Variants in ARFIP1 observed in about 807,000 individuals in gnomAD.
The protein encoded by ARFIP1 is arfaptin-1.
Under a neutral mutation model 42.5 loss-of-function variants are expected in ARFIP1, and 24 were observed. The ratio of observed to expected loss-of-function variants is 0.57; its 90% CI spans 0.41 to 0.80. ARFIP1 has a LOEUF of 0.80. Ranked by LOEUF, ARFIP1 falls within the 30% of genes least tolerant of loss-of-function variation. The pLI is 0.00. For missense variants in ARFIP1, 354 were observed against 434.0 expected (o/e 0.82, Z 1.64); for synonymous variants, 141 against 153.7 (o/e 0.92, Z 0.61).
intron 1 of ARFIP1, among the ~76,000 whole-genome samples, chr4:152,828,505 T>G (rs1578883432): frequency 6.6e-6 from 1 of 152,258 alleles, no homozygotes; most frequent in Non-Finnish European, 1.5e-5. Flanking sequence ...CCACTTTACA[T>G]TGTCTTTGAT....
At chr4:152,859,650 G>C (rs1366366449) in intron 2 of ARFIP1, among the ~76,000 whole-genome samples, 1 of 151,946 alleles carries the variant, frequency 6.6e-6, no homozygotes, top group Admixed American at 6.6e-5. Flanking sequence ...TTCCAGCTGG[G>C]CTTTTCTTGC....
At chr4:152,832,551 G>A (rs1388053801) in intron 2 of ARFIP1, among the ~76,000 whole-genome samples, 4 of 151,986 alleles carry the variant, frequency 2.6e-5, no homozygotes, top group African/African-American at 9.7e-5. Context: ...CTCTATTAAT[G>A]GCATCTTTTG....
At chr4:152,821,174 A>G (rs1578868408) in intron 1 of ARFIP1, among the ~76,000 whole-genome samples, 2 of 152,366 alleles carry the variant, frequency 1.3e-5, no homozygotes, top group Admixed American at 6.5e-5. Context: ...TAAAGAACTC[A>G]AAAGGTTGAT....
At chr4:152,806,152 T>G (rs1422014422) in intron 1 of ARFIP1, among the ~76,000 whole-genome samples, 4 of 152,242 alleles carry the variant, frequency 2.6e-5, no homozygotes, top group Admixed American at 2.0e-4. Context: ...ATATTTGCCT[T>G]TCTTTAGATA....
chr4:152,866,138 T>C (rs1384599331), intron 3 of ARFIP1, among the ~76,000 whole-genome samples: 1 of 152,150 alleles, frequency 6.6e-6, no homozygotes, highest in African/African-American at 2.4e-5. Flanking sequence ...TTAATCCATT[T>C]AACCCTGAGT....
chr4:152,893,441 T>C (rs1737037721), intron 8 of ARFIP1, among the ~76,000 whole-genome samples: 1 of 152,152 alleles, frequency 6.6e-6, no homozygotes, highest in African/African-American at 2.4e-5. Flanking sequence ...TTATGTGGCT[T>C]GGAAGTATAA....
Position 152,881,083 on chromosome 4 carries a change from C to T in ARFIP1, c.532C>T (p.Leu178=). The T allele has an allele frequency of 6.2e-7, 1 of 1,613,882 alleles. No homozygotes were observed. The highest frequency in any genetic ancestry group is 1.1e-5 in the South Asian group (1 of 91,048). The change falls in exon 6 of 9, where the codon CTG becomes TTG. Residue 178 remains leucine (L), a synonymous_variant. Transcript: ENST00000353617. ...GAAAAAATATGAAAATATTTTAAAA[C>T]TGGCTCAAACATTGTCGACCCAGCT... ...NKKKYENILK[L]AQTLSTQLFQ...
intron 2 of ARFIP1, among the ~76,000 whole-genome samples, chr4:152,847,456 A>T (rs1732650613): frequency 1.3e-5 from 2 of 152,026 alleles, no homozygotes; most frequent in South Asian, 4.1e-4. Context: ...AAGATGGGGC[A>T]GCAACAGCCA....
At chr4:152,783,202 G>T (rs1730605501) in intron 1 of ARFIP1, among the ~76,000 whole-genome samples, 1 of 152,192 alleles carries the variant, frequency 6.6e-6, no homozygotes, top group South Asian at 2.1e-4. Flanking sequence ...CAGCTACTTG[G>T]GAGGGGCTGA....
At chr4:152,891,731 AG>A (rs1736866870) in intron 8 of ARFIP1, among the ~76,000 whole-genome samples, 1 of 152,036 alleles carries the variant, frequency 6.6e-6, no homozygotes, top group Non-Finnish European at 1.5e-5. Context: ...TTGTTTGAGA[AG>A]GAGTCTCGCT....
intron 1 of ARFIP1, among the ~76,000 whole-genome samples, chr4:152,790,090 C>T (rs894398322): frequency 5.3e-5 from 8 of 152,102 alleles, no homozygotes; most frequent in Non-Finnish European, 1.0e-4. Flanking sequence ...CATGTATATA[C>T]ACATATCTAT....
intron 2 of ARFIP1, among the ~76,000 whole-genome samples, chr4:152,854,552 T>G (rs1190197875): frequency 6.6e-6 from 1 of 152,196 alleles, no homozygotes; most frequent in Non-Finnish European, 1.5e-5. Flanking sequence ...ATGTTTTTTG[T>G]GTCTTTACAT....
At chr4:152,827,771 G>A (rs1033319069) in intron 1 of ARFIP1, among the ~76,000 whole-genome samples, 1 of 152,112 alleles carries the variant, frequency 6.6e-6, no homozygotes, top group African/African-American at 2.4e-5. Flanking sequence ...TACCTCCTGG[G>A]CTCAAATGAT....
chr4:152,817,817 A>G (rs1172987139), intron 1 of ARFIP1, among the ~76,000 whole-genome samples: 1 of 152,262 alleles, frequency 6.6e-6, no homozygotes, highest in East Asian at 1.9e-4. Context: ...TATTTCTACA[A>G]AGATGATATA....
At chr4:152,812,942 A>C (rs927764256) in intron 1 of ARFIP1, among the ~76,000 whole-genome samples, 1 of 152,124 alleles carries the variant, frequency 6.6e-6, no homozygotes, top group Non-Finnish European at 1.5e-5. Context: ...TCCAGTTGTT[A>C]TGATTTATTG....
intron 8 of ARFIP1, among the ~76,000 whole-genome samples, chr4:152,890,074 T>TCACCCACC (rs1277359459): frequency 2.0e-5 from 3 of 151,544 alleles, no homozygotes; most frequent in Non-Finnish European, 2.9e-5. Flanking sequence ...CATTCCACCC[T>TCACCCACC]ATCATCACTA....
At chr4:152,906,391 G>T (rs1008123525) in intron 8 of ARFIP1, among the ~76,000 whole-genome samples, 2 of 152,134 alleles carry the variant, frequency 1.3e-5, no homozygotes, top group African/African-American at 4.8e-5. Flanking sequence ...TGCCATTTCG[G>T]TAAATGCAAC....
chr4:152,795,197 C>G (rs551817266), intron 1 of ARFIP1, among the ~76,000 whole-genome samples: 2 of 151,740 alleles, frequency 1.3e-5, no homozygotes, highest in South Asian at 4.2e-4. Context: ...TTTGTTTTTG[C>G]TTTTTCAGTA....
chr4:152,906,840 T>C (rs1738397182), intron 8 of ARFIP1, among the ~76,000 whole-genome samples: 1 of 152,216 alleles, frequency 6.6e-6, no homozygotes, highest in Non-Finnish European at 1.5e-5. Flanking sequence ...TTCTCAAACA[T>C]ACCAAGCACA....
Sources: gnomAD v4.1 joint callset for allele counts (sites outside exome capture counted in the v4.1 genomes callset) on GRCh38, gnomAD v4.1.1 for gene constraint, MANE v1.5 for transcripts, NCBI Gene and HGNC (gene_info 2026-07-23, HGNC 2026-07-21) for gene names.